CNTNAP2: variants seen among roughly 807,000 people sequenced by gnomAD.
CNTNAP2 encodes contactin-associated protein-like 2.
Under a neutral mutation model 155.2 loss-of-function variants are expected in CNTNAP2, and 98 were observed. The ratio of observed to expected loss-of-function variants is 0.63; its 90% CI spans 0.54 to 0.75. CNTNAP2 has a LOEUF of 0.75. Ranked by LOEUF, CNTNAP2 falls within the 30% of genes least tolerant of loss-of-function variation. The probability of loss-of-function intolerance (pLI) is 0.00; values close to 1 mark genes in which losing one functional copy is unlikely to be tolerated. For synonymous variants in CNTNAP2, 651 were observed against 631.2 expected, an observed-to-expected ratio of 1.03 and a Z score of -0.47; for missense variants, 1,727 against 1,688.1, an observed-to-expected ratio of 1.02 and a Z score of -0.40.
rs868602251 is a variant in CNTNAP2, at chr7:148,388,301, C to T, written c.3715+4413C>T. ...CAGTGCTATCCCTCCCCCCTCCCCC[C>T]ACCCCACAATAGTCCCCAGAGTGTG... is the stretch of plus-strand genomic sequence containing the variant. On this transcript the variant is annotated intron_variant, in intron 22 of 23. Coordinates refer to ENST00000361727, the MANE Select transcript of CNTNAP2 (RefSeq NM_014141.6). Among the ~76,000 whole-genome samples the T allele has an allele frequency of 7.8e-3, 985 of 125,840 alleles. 12 individuals carry two copies. The highest frequency in any genetic ancestry group is 0.027 in the African/African-American group (931 of 33,998). The allele number at this position is 125,840 out of a possible 152,430, so 82.6% of individuals were successfully genotyped here.
At chr7:147,496,696 C>T (rs774762565) in intron 11 of CNTNAP2, 1 of 152,146 alleles carries the variant, frequency 6.6e-6, no homozygotes, top group Non-Finnish European at 1.5e-5. Flanking sequence ...GTTTGCTAAA[C>T]TCTATTTAAA....
chr7:146,303,304 T>C (rs1047724592), intron 1 of CNTNAP2, among the ~76,000 whole-genome samples: 1 of 152,104 alleles, frequency 6.6e-6, no homozygotes, highest in South Asian at 2.1e-4. Flanking sequence ...TACCTCTCAT[T>C]TGCCTCAATT....
chr7:146,684,482 A>G (rs1160830177), intron 1 of CNTNAP2, among the ~76,000 whole-genome samples: 1 of 151,974 alleles, frequency 6.6e-6, no homozygotes, highest in Non-Finnish European at 1.5e-5. Context: ...GACTACTCTA[A>G]ATCTCTGAAA....
At chr7:146,668,192 T>G (rs1363367281) in intron 1 of CNTNAP2, among the ~76,000 whole-genome samples, 1 of 152,284 alleles carries the variant, frequency 6.6e-6, no homozygotes, top group Non-Finnish European at 1.5e-5. Flanking sequence ...GCATATTACA[T>G]TGTATTAAAT....
At chr7:146,694,549 C>T (rs943351467) in intron 1 of CNTNAP2, among the ~76,000 whole-genome samples, 3 of 152,160 alleles carry the variant, frequency 2.0e-5, no homozygotes, top group African/African-American at 7.2e-5. Flanking sequence ...GGTCCTCTTT[C>T]TCATCCTTCA....
At chr7:147,225,888 AAG>A (rs1803525308) in intron 8 of CNTNAP2, among the ~76,000 whole-genome samples, 1 of 146,052 alleles carries the variant, frequency 6.8e-6, no homozygotes, top group Non-Finnish European at 1.5e-5. Context: ...AGAAGGAAGG[AAG>A]GAAGGAAGGA....
chr7:148,242,502 ATC>A (rs1435475025), intron 20 of CNTNAP2, among the ~76,000 whole-genome samples: 1 of 152,188 alleles, frequency 6.6e-6, no homozygotes, highest in Non-Finnish European at 1.5e-5. Context: ...GGAAGGGAAA[ATC>A]TTGTGAAACT....
intron 12 of CNTNAP2, among the ~76,000 whole-genome samples, chr7:147,586,109 G>A (rs190856644): frequency 1.7e-3 from 259 of 152,212 alleles, no homozygotes; most frequent in African/African-American, 5.9e-3. Flanking sequence ...TTTTCTGATT[G>A]GCAATTGATT....
Position 146,774,363 on chromosome 7 carries a change from AAGATAAACAAGAG to A in CNTNAP2, c.193_205del (p.Ile65GlufsTer42). On this transcript the variant is annotated frameshift_variant, in exon 2 of 24. Transcript: ENST00000361727. LOFTEE classifies it high-confidence loss of function. ...TGGTAGCTATTCTCCCGGCTATGCC[AAGATAAACAAGAG>A]AGGAGGTAAGCCAAATTTTGATTCT... 1 of 1,613,868 alleles carries A rather than the reference AAGATAAACAAGAG, an allele frequency of 6.2e-7. No individual in the cohort carries two copies. Among genetic ancestry groups the A allele is most frequent in the Non-Finnish European group, 8.5e-7 (1 of 1,179,868 alleles).
chr7:147,712,853 C>A lies in CNTNAP2; in HGVS notation c.2098+73547C>A, dbSNP rs573221307. ...GCACATGTATACATATGTAACCAAC[C>A]TGCACGTTGTGCACATGTACCCTAA... On this transcript the variant is annotated intron_variant, in intron 13 of 23. Coordinates refer to ENST00000361727, the MANE Select transcript of CNTNAP2 (RefSeq NM_014141.6). 8.7e-4 allele frequency among the ~76,000 whole-genome samples: 133 copies of A among 152,238 alleles called. 2 individuals carry two copies. The highest frequency in any genetic ancestry group is 1.2e-4 in the Non-Finnish European group (8 of 68,018).
chr7:146,643,299 C>T (rs532014268), intron 1 of CNTNAP2, among the ~76,000 whole-genome samples: 55 of 148,970 alleles, frequency 3.7e-4, no homozygotes, highest in East Asian at 3.4e-3. Flanking sequence ...TTAGGTCTAA[C>T]GTTTAAGTCT....
intron 12 of CNTNAP2, among the ~76,000 whole-genome samples, chr7:147,601,423 T>C (rs959695343): frequency 6.6e-6 from 1 of 151,960 alleles, no homozygotes; most frequent in South Asian, 2.1e-4. Context: ...GTGGGGGAGC[T>C]TTTGAGCCAG....
intron 1 of CNTNAP2, among the ~76,000 whole-genome samples, chr7:146,128,370 A>G (rs1797667969): frequency 6.6e-6 from 1 of 152,138 alleles, no homozygotes; most frequent in African/African-American, 2.4e-5. Context: ...CCATCTTTAT[A>G]CAGTTCTTAC....
At chr7:146,277,298 A>G (rs551335236) in intron 1 of CNTNAP2, among the ~76,000 whole-genome samples, 1 of 152,196 alleles carries the variant, frequency 6.6e-6, no homozygotes, top group African/African-American at 2.4e-5. Flanking sequence ...CAGGCCCCAC[A>G]CTTTGTTACG....
chr7:147,238,405 A>G (rs1803863269), intron 8 of CNTNAP2, among the ~76,000 whole-genome samples: 1 of 131,226 alleles, frequency 7.6e-6, no homozygotes, highest in South Asian at 2.3e-4. Context: ...GTGTGCAGAC[A>G]CACACACACA....
At chr7:147,143,083 A>G (rs976320994) in intron 8 of CNTNAP2, among the ~76,000 whole-genome samples, 2 of 152,078 alleles carry the variant, frequency 1.3e-5, no homozygotes, top group African/African-American at 4.8e-5. Context: ...TCATATCTGT[A>G]CTCCTAACGC....
intron 14 of CNTNAP2, among the ~76,000 whole-genome samples, chr7:147,962,985 G>C (rs1463319599): frequency 6.6e-6 from 1 of 152,116 alleles, no homozygotes; most frequent in Non-Finnish European, 1.5e-5. Context: ...GTGACAATAA[G>C]ATATACCATG....
rs147698414 is a variant in CNTNAP2 at position 146,830,001 on chromosome 7, C to T, written c.209-9710C>T. On this transcript the variant is annotated intron_variant, in intron 2 of 23. Transcript: ENST00000361727. Reference sequence around the variant, plus strand: ...GATTGTTTCTTATTGATTTGTGGGGCTTGTTTATACATTAACAAAAATGAA... The same window carrying T: ...GATTGTTTCTTATTGATTTGTGGGGTTTGTTTATACATTAACAAAAATGAA... 1.9e-3 allele frequency among the ~76,000 whole-genome samples: 284 copies of T among 151,988 alleles called. 1 individual carries two copies. The highest frequency in any genetic ancestry group is 6.3e-3 in the African/African-American group (262 of 41,480).
chr7:146,831,329 A>T (rs544069323), intron 2 of CNTNAP2, among the ~76,000 whole-genome samples: 40 of 152,172 alleles, frequency 2.6e-4, no homozygotes, highest in African/African-American at 9.4e-4. Context: ...CTAAGATTAC[A>T]TTTATGGATA....
Sources: gnomAD v4.1 joint callset for allele counts (sites outside exome capture counted in the v4.1 genomes callset) on GRCh38, gnomAD v4.1.1 for gene constraint, MANE v1.5 for transcripts, NCBI Gene and HGNC (gene_info 2026-07-23, HGNC 2026-07-21) for gene names.